The following PCDHA11 variants were observed in gnomAD, a reference collection of about 807,000 sequenced individuals.
The protein encoded by PCDHA11 is protocadherin alpha 11.
A neutral mutation model predicts 70.3 loss-of-function variants in PCDHA11; 61 were observed. The observed-to-expected ratio is 0.87, with a 90% CI of 0.71 to 1.07. PCDHA11 has a LOEUF of 1.07. Ranked by LOEUF, PCDHA11 falls within the 50% of genes least tolerant of loss-of-function variation. PCDHA11 has a pLI of 0.00. For synonymous variants in PCDHA11, 633 were observed against 555.1 expected (o/e 1.14, Z -1.97); for missense variants, 1,324 against 1,237.5 (o/e 1.07, Z -1.05).
At chr5:141,006,007 T>C (rs1554260471) in intron 3 of PCDHA11, among the ~76,000 whole-genome samples, 1 of 151,298 alleles carries the variant, frequency 6.6e-6, no homozygotes, top group African/African-American at 2.4e-5. Flanking sequence ...AGAAGGCCTG[T>C]ATGGTTGGAG....
At chr5:140,972,622 T>C (rs1554234253) in intron 1 of PCDHA11, among the ~76,000 whole-genome samples, 1 of 151,940 alleles carries the variant, frequency 6.6e-6, no homozygotes, top group African/African-American at 2.4e-5. Flanking sequence ...CTGAATGTTG[T>C]TGGCACTCCC....
At chr5:140,877,403 G>C (rs199806507) in intron 1 of PCDHA11, 1 of 1,613,770 alleles carries the variant, frequency 6.2e-7, no homozygotes, top group Non-Finnish European at 8.5e-7. Context: ...GACGCTCCGC[G>C]CCACCGCCTG....
At chr5:140,953,911 AG>A (rs1554221121) in intron 1 of PCDHA11, among the ~76,000 whole-genome samples, 1 of 152,120 alleles carries the variant, frequency 6.6e-6, no homozygotes, top group South Asian at 2.1e-4. Flanking sequence ...AGCATCCATT[AG>A]GTATTCTTCC....
intron 1 of PCDHA11, among the ~76,000 whole-genome samples, chr5:140,920,608 G>A (rs2153558027): frequency 6.6e-6 from 1 of 152,286 alleles, no homozygotes; most frequent in Non-Finnish European, 1.5e-5. Flanking sequence ...CACTTTGGGA[G>A]GCCGAGGCGG....
intron 1 of PCDHA11, among the ~76,000 whole-genome samples, chr5:140,945,439 A>G (rs1291434553): frequency 6.6e-6 from 1 of 152,188 alleles, no homozygotes; most frequent in Non-Finnish European, 1.5e-5. Flanking sequence ...TTACAGAAAT[A>G]TAAAAAACTT....
chr5:140,955,501 A>G (rs1479045859), intron 1 of PCDHA11, among the ~76,000 whole-genome samples: 5 of 152,114 alleles, frequency 3.3e-5, no homozygotes, highest in African/African-American at 1.2e-4. Context: ...CATGTGAAGA[A>G]AGACGTGTTT....
At chr5:140,985,216 C>T (rs1009954667) in intron 3 of PCDHA11, among the ~76,000 whole-genome samples, 1 of 152,186 alleles carries the variant, frequency 6.6e-6, no homozygotes, top group South Asian at 2.1e-4. Context: ...GGATTACAGG[C>T]GTGAGCCACC....
At chr5:141,002,468 C>G (rs369108082) in intron 3 of PCDHA11, among the ~76,000 whole-genome samples, 2 of 152,334 alleles carry the variant, frequency 1.3e-5, no homozygotes, top group Middle Eastern at 3.4e-3. Flanking sequence ...AACGCTTTAG[C>G]ATTTTCAAAG....
intron 1 of PCDHA11, among the ~76,000 whole-genome samples, chr5:140,917,832 C>T (rs1554198323): frequency 1.3e-5 from 2 of 151,488 alleles, no homozygotes; most frequent in Admixed American, 6.6e-5. Context: ...AGTGTGATGT[C>T]CTTCTTGTTC....
chr5:141,000,765 G>T (rs1554257794), intron 3 of PCDHA11, among the ~76,000 whole-genome samples: 9 of 151,816 alleles, frequency 5.9e-5, no homozygotes, highest in Non-Finnish European at 2.9e-5. Context: ...ATCTTAGCCA[G>T]GCATAGTGGC....
At chr5:140,999,993 G>A (rs529237834) in intron 3 of PCDHA11, among the ~76,000 whole-genome samples, 1 of 152,114 alleles carries the variant, frequency 6.6e-6, no homozygotes, top group African/African-American at 2.4e-5. Flanking sequence ...CTGGGTAGTG[G>A]TATTAGATTG....
chr5:140,875,921 C>G, intron 1 of PCDHA11: 1 of 1,614,228 alleles, frequency 6.2e-7, no homozygotes. Flanking sequence ...CCTCTGGACT[C>G]TCATTTTCCT....
chr5:141,007,275 T>C (rs1418814264), intron 3 of PCDHA11, among the ~76,000 whole-genome samples: 2 of 151,338 alleles, frequency 1.3e-5, no homozygotes, highest in Non-Finnish European at 2.9e-5. Context: ...ACAGGCTGGG[T>C]GCAGTGGGCT....
intron 3 of PCDHA11, among the ~76,000 whole-genome samples, chr5:140,989,486 A>G (rs1563557204): frequency 6.6e-6 from 1 of 152,190 alleles, no homozygotes; most frequent in African/African-American, 2.4e-5. Context: ...AGGTGCTTGA[A>G]CAAGAAAGAC....
intron 1 of PCDHA11, among the ~76,000 whole-genome samples, chr5:140,925,358 C>A (rs1554202714): frequency 8.5e-5 from 13 of 152,094 alleles, no homozygotes; most frequent in Non-Finnish European, 1.9e-4. Flanking sequence ...GAATTTAGTG[C>A]TTCATAGTCA....
rs555838945 is a variant in PCDHA11, at chr5:140,927,094, G to A, written c.2392-51855G>A. On this transcript the variant is annotated intron_variant, in intron 1 of 3. Coordinates refer to ENST00000398640, the MANE Select transcript of PCDHA11 (RefSeq NM_018902.5). ...CAGCCACCGCGAGCTCTACTTCGGG[G>A]TGGATCTACCCAGCGGCAATTTGGT... 5 of 1,612,890 alleles carry A rather than the reference G, an allele frequency of 3.1e-6. No homozygotes were observed. In the Admixed American group the frequency reaches 8.3e-5, roughly 27 times the overall value.
intron 1 of PCDHA11, among the ~76,000 whole-genome samples, chr5:140,891,754 T>C (rs1221942340): frequency 6.6e-6 from 1 of 152,174 alleles, no homozygotes; most frequent in Non-Finnish European, 1.5e-5. Flanking sequence ...ACAACAGTGT[T>C]GGGAGGTGGG....
At chr5:140,898,899 C>A (rs1457821018) in intron 1 of PCDHA11, among the ~76,000 whole-genome samples, 2 of 152,072 alleles carry the variant, frequency 1.3e-5, no homozygotes, top group Non-Finnish European at 2.9e-5. Context: ...TTGAAGAGGT[C>A]CTTCACGTCC....
intron 1 of PCDHA11, among the ~76,000 whole-genome samples, chr5:140,974,769 T>C (rs1487371754): frequency 6.6e-6 from 1 of 152,238 alleles, no homozygotes; most frequent in Non-Finnish European, 1.5e-5. Context: ...ATTACAGGTA[T>C]GAGCCACTGC....
Sources: gnomAD v4.1 joint callset for allele counts (sites outside exome capture counted in the v4.1 genomes callset) on GRCh38, gnomAD v4.1.1 for gene constraint, MANE v1.5 for transcripts, NCBI Gene and HGNC (gene_info 2026-07-23, HGNC 2026-07-21) for gene names.